The following PCCA variants were observed in gnomAD, a reference collection of about 807,000 sequenced individuals.
PCCA encodes propionyl-CoA carboxylase subunit alpha.
Under a neutral mutation model 101.3 loss-of-function variants are expected in PCCA, and 74 were observed. The observed-to-expected ratio is 0.73, with a 90% CI of 0.61 to 0.89. The LOEUF is 0.89. Ranked by LOEUF, PCCA falls within the 40% of genes least tolerant of loss-of-function variation. The pLI, the probability that PCCA is intolerant of heterozygous loss-of-function variation, is 0.00. For synonymous variants in PCCA, 294 were observed against 313.6 expected, an observed-to-expected ratio of 0.94 and a Z score of 0.66; for missense variants, 891 against 907.0, an observed-to-expected ratio of 0.98 and a Z score of 0.23.
At chr13:100,411,055 G>C in intron 19 of PCCA, among the ~76,000 whole-genome samples, 1 of 151,976 alleles carries the variant, frequency 6.6e-6, no homozygotes, top group Non-Finnish European at 1.5e-5. Flanking sequence ...CTACATTGTT[G>C]AAATGTTTGG....
intron 16 of PCCA, among the ~76,000 whole-genome samples, chr13:100,325,131 G>A (rs932933282): frequency 2.0e-5 from 3 of 152,134 alleles, no homozygotes; most frequent in African/African-American, 7.2e-5. Context: ...AATTTATGAA[G>A]CATTTGCTGC....
chr13:100,134,381 C>T (rs757275230), intron 4 of PCCA, among the ~76,000 whole-genome samples: 9 of 152,190 alleles, frequency 5.9e-5, no homozygotes, highest in Admixed American at 1.3e-4. Context: ...TTTGCCTTTT[C>T]GTATACATTT....
At chr13:100,380,862 A>G (rs2076185228) in intron 19 of PCCA, among the ~76,000 whole-genome samples, 1 of 152,252 alleles carries the variant, frequency 6.6e-6, no homozygotes, top group Non-Finnish European at 1.5e-5. Context: ...ACTTGTGTTT[A>G]AAATACATAA....
intron 19 of PCCA, among the ~76,000 whole-genome samples, chr13:100,417,089 C>T (rs545911699): frequency 9.8e-5 from 15 of 152,290 alleles, no homozygotes; most frequent in Admixed American, 5.2e-4. Context: ...GTGATCCCCC[C>T]GCCTTGGCCT....
chr13:100,200,323 C>G (rs2058396676), intron 6 of PCCA, among the ~76,000 whole-genome samples: 1 of 152,146 alleles, frequency 6.6e-6, no homozygotes, highest in Non-Finnish European at 1.5e-5. Flanking sequence ...CTAGAATGGT[C>G]TCGATTTCCT....
intron 4 of PCCA, among the ~76,000 whole-genome samples, chr13:100,128,524 A>G (rs764297167): frequency 1.3e-5 from 2 of 152,194 alleles, no homozygotes; most frequent in African/African-American, 2.4e-5. Context: ...TAGGGTGCTC[A>G]GGGAAAGTCT....
intron 22 of PCCA, among the ~76,000 whole-genome samples, chr13:100,521,416 G>A (rs1228269719): frequency 1.3e-5 from 2 of 152,218 alleles, no homozygotes; most frequent in Non-Finnish European, 2.9e-5. Context: ...GTCTTCAGCC[G>A]GAGAAAGGGC....
intron 12 of PCCA, among the ~76,000 whole-genome samples, chr13:100,297,890 G>A (rs756483183): frequency 4.3e-4 from 65 of 152,048 alleles, no homozygotes; most frequent in Non-Finnish European, 8.4e-4. Context: ...AGACTCTGCA[G>A]TGTGGCACTC....
At chr13:100,302,484 T>A (rs2066140008) in intron 13 of PCCA, among the ~76,000 whole-genome samples, 1 of 151,732 alleles carries the variant, frequency 6.6e-6, no homozygotes. Flanking sequence ...CGTGCAAAGT[T>A]TTTTTTTTCA....
chr13:100,308,367 C>G (rs925277966), intron 15 of PCCA, among the ~76,000 whole-genome samples: 1 of 152,106 alleles, frequency 6.6e-6, no homozygotes, highest in East Asian at 1.9e-4. Context: ...CTTTTTCACC[C>G]AGGCTGGAGT....
At chr13:100,259,264 G>A (rs1448953240) in intron 9 of PCCA, among the ~76,000 whole-genome samples, 1 of 148,942 alleles carries the variant, frequency 6.7e-6, no homozygotes, top group Non-Finnish European at 1.5e-5. Flanking sequence ...TTGGGGGGAA[G>A]TAGCATCTAT....
At chr13:100,270,853 T>TA (rs1288997827) in intron 11 of PCCA, among the ~76,000 whole-genome samples, 2 of 151,508 alleles carry the variant, frequency 1.3e-5, no homozygotes, top group African/African-American at 2.4e-5. Flanking sequence ...CACAAAAAAG[T>TA]AAAAAATCAG....
intron 6 of PCCA, among the ~76,000 whole-genome samples, chr13:100,194,388 C>G (rs1003055276): frequency 1.3e-5 from 2 of 152,084 alleles, no homozygotes; most frequent in Non-Finnish European, 2.9e-5. Context: ...AGAGAATATA[C>G]AAAGCCAATT....
intron 7 of PCCA, among the ~76,000 whole-genome samples, chr13:100,220,411 C>T (rs1328840204): frequency 6.6e-6 from 1 of 150,746 alleles, no homozygotes. Context: ...ATGTCTGAGC[C>T]ACCATGCCTG....
Position 100,530,077 on chromosome 13 carries a change from CT to C in PCCA, c.2119-20del, listed in dbSNP as rs777986333. 1 of 1,604,372 alleles carries C rather than the reference CT, an allele frequency of 6.2e-7. No individual in the cohort carries two copies. Among genetic ancestry groups the C allele is most frequent in the African/African-American group, 1.3e-5 (1 of 74,706 alleles). ...TACTAATTCTTACTCTCCCCTCCCC[CT>C]GCATTTTTCAAAATTCAAGGTGAAA... On this transcript the variant is annotated intron_variant, in intron 23 of 23. Coordinates refer to ENST00000376285, the MANE Select transcript of PCCA (RefSeq NM_000282.4).
At chr13:100,483,330 G>C (rs1257148777) in intron 21 of PCCA, among the ~76,000 whole-genome samples, 2 of 151,852 alleles carry the variant, frequency 1.3e-5, no homozygotes, top group East Asian at 1.9e-4. Flanking sequence ...GCTTCCCACT[G>C]TTCTCAGCCA....
intron 2 of PCCA, among the ~76,000 whole-genome samples, chr13:100,110,695 ATACT>A (rs1467651775): frequency 4.6e-5 from 7 of 152,240 alleles, no homozygotes; most frequent in Non-Finnish European, 1.0e-4. Flanking sequence ...CAGATAAATT[ATACT>A]TACTTAGTAT....
At chr13:100,474,209 C>T (rs1213157337) in intron 21 of PCCA, among the ~76,000 whole-genome samples, 1 of 151,930 alleles carries the variant, frequency 6.6e-6, no homozygotes, top group African/African-American at 2.4e-5. Flanking sequence ...ATAAACTAAA[C>T]CTCTTTTCTT....
At chr13:100,216,102 T>TA (rs1450691530) in intron 7 of PCCA, among the ~76,000 whole-genome samples, 1 of 138,922 alleles carries the variant, frequency 7.2e-6, no homozygotes, top group Non-Finnish European at 1.6e-5. Flanking sequence ...CTCCTTCCCC[T>TA]TTCCCTTCCC....
Sources: gnomAD v4.1 joint callset for allele counts (sites outside exome capture counted in the v4.1 genomes callset) on GRCh38, gnomAD v4.1.1 for gene constraint, MANE v1.5 for transcripts, NCBI Gene and HGNC (gene_info 2026-07-23, HGNC 2026-07-21) for gene names.